NDST3: variants seen among roughly 807,000 people sequenced by gnomAD.
NDST3 encodes the protein bifunctional heparan sulfate N-deacetylase/N-sulfotransferase 3.
NDST3 carries 58 observed loss-of-function variants against 96.1 expected under a neutral mutation model. That is an observed-to-expected ratio of 0.60 (90% CI 0.49 to 0.75). NDST3 has a LOEUF of 0.75. Ranked by LOEUF, NDST3 falls within the 30% of genes least tolerant of loss-of-function variation. NDST3 has a pLI of 0.00. For missense variants in NDST3, 788 were observed against 1,034.2 expected, an observed-to-expected ratio of 0.76 and a Z score of 3.27; for synonymous variants, 333 against 359.7, an observed-to-expected ratio of 0.93 and a Z score of 0.84.
At chr4:118,211,732 T>C (rs1738813346) in intron 6 of NDST3, among the ~76,000 whole-genome samples, 1 of 152,204 alleles carries the variant, frequency 6.6e-6, no homozygotes, top group Non-Finnish European at 1.5e-5. Context: ...TATAATCTTT[T>C]TAAGGCGCTT....
At position 118,097,661 on chromosome 4, in the gene NDST3, T is replaced by C. The variant is rs111280578; in HGVS notation, c.982-7357T>C. 4.9e-4 allele frequency among the ~76,000 whole-genome samples: 74 copies of C among 152,114 alleles called. 1 individual carries two copies. Among genetic ancestry groups the C allele is most frequent in the African/African-American group, 1.6e-3 (66 of 41,522 alleles). ...TGAGAAGCACTGATAGGAAATGCTT[T>C]TATTTTAGCAATTTTCAAAATAATT... is the stretch of plus-strand genomic sequence containing the variant. On this transcript the variant is annotated intron_variant, in intron 2 of 13. Coordinates refer to ENST00000296499, the MANE Select transcript of NDST3 (RefSeq NM_004784.3).
At chr4:118,254,461 T>C (rs1371847801) in intron 13 of NDST3, among the ~76,000 whole-genome samples, 5 of 152,316 alleles carry the variant, frequency 3.3e-5, no homozygotes, top group Middle Eastern at 3.4e-3. Context: ...CTTTGCAGTA[T>C]GTATTCAGCA....
Position 118,226,883 on chromosome 4 carries a change from T to A in NDST3, c.1723-3T>A. 1 of 1,605,380 alleles carries A rather than the reference T, an allele frequency of 6.2e-7. No individual in the cohort carries two copies. Among genetic ancestry groups the A allele is most frequent in the Non-Finnish European group, 8.5e-7 (1 of 1,175,398 alleles). ...TACATCTCTATGTTCTTCTCCCATT[T>A]AGAATCCTTGCGATGACAAACGCCA... On this transcript the variant is annotated splice_polypyrimidine_tract_variant and splice_region_variant and intron_variant, in intron 7 of 13. Transcript: ENST00000296499.
intron 6 of NDST3, among the ~76,000 whole-genome samples, chr4:118,163,895 G>C (rs965861710): frequency 6.6e-6 from 1 of 152,046 alleles, no homozygotes; most frequent in Non-Finnish European, 1.5e-5. Flanking sequence ...GTACACTGTT[G>C]GTGGTAATGT....
chr4:118,257,978 G>A lies in NDST3; in HGVS notation c.*2266G>A, dbSNP rs1742216560. 1 of 151,998 alleles carries A rather than the reference G, an allele frequency of 6.6e-6. No homozygotes were observed. Among genetic ancestry groups the A allele is most frequent in the Admixed American group, 6.6e-5 (1 of 15,258 alleles). 9.4% of individuals were successfully genotyped at this position (151,998 alleles called of 1,614,324 possible). A position where few individuals can be genotyped will look rare whatever the true frequency, so the allele number is the denominator to read the frequency against. ...TATATACAGTGTCATGTTTTCATTT[G>A]GCAACAACATTTATTCTAATAAAAA... On this transcript the variant is annotated 3_prime_UTR_variant, in exon 14 of 14. Coordinates refer to ENST00000296499, the MANE Select transcript of NDST3 (RefSeq NM_004784.3).
intron 6 of NDST3, among the ~76,000 whole-genome samples, chr4:118,147,153 G>A (rs1368921088): frequency 1.3e-5 from 2 of 152,092 alleles, no homozygotes; most frequent in African/African-American, 4.8e-5. Context: ...ACTAATAGAT[G>A]GTATCCTGCT....
At chr4:118,253,687 T>A in intron 13 of NDST3, 86 bp downstream of exon 13, 1 of 926,182 alleles carries the variant, frequency 1.1e-6, no homozygotes, top group East Asian at 2.5e-5. Context: ...CTAGTTAAAG[T>A]CAAAATTCAG....
chr4:118,217,856 A>C (rs1739288064), intron 6 of NDST3, among the ~76,000 whole-genome samples: 1 of 152,120 alleles, frequency 6.6e-6, no homozygotes, highest in Admixed American at 6.6e-5. Flanking sequence ...AAAATGATAA[A>C]GGAGATATCA....
chr4:118,173,849 T>C (rs896052388), intron 6 of NDST3, among the ~76,000 whole-genome samples: 1 of 152,196 alleles, frequency 6.6e-6, no homozygotes, highest in Non-Finnish European at 1.5e-5. Flanking sequence ...TTTGCTATTG[T>C]AATACATAGA....
At chr4:118,121,273 T>C (rs562692694) in intron 4 of NDST3, among the ~76,000 whole-genome samples, 44 of 152,352 alleles carry the variant, frequency 2.9e-4, no homozygotes, top group African/African-American at 1.1e-3. Context: ...ACATATCCTT[T>C]AGCTGTGTTC....
chr4:118,043,232 T>C (rs1724572719), intron 1 of NDST3, among the ~76,000 whole-genome samples: 1 of 152,222 alleles, frequency 6.6e-6, no homozygotes, highest in South Asian at 2.1e-4. Flanking sequence ...TTGAATGAAA[T>C]AGTTATTTGT....
At chr4:118,048,923 A>G (rs959625546) in intron 1 of NDST3, among the ~76,000 whole-genome samples, 6 of 152,134 alleles carry the variant, frequency 3.9e-5, no homozygotes, top group Non-Finnish European at 1.5e-5. Flanking sequence ...CAAAATACAC[A>G]TATTTTTCAT....
intron 6 of NDST3, among the ~76,000 whole-genome samples, chr4:118,149,006 T>C (rs563175485): frequency 4.6e-5 from 7 of 152,236 alleles, no homozygotes; most frequent in African/African-American, 1.7e-4. Context: ...ATTTATTAAA[T>C]AGGGAATCCT....
intron 2 of NDST3, among the ~76,000 whole-genome samples, chr4:118,058,265 T>A (rs1418766161): frequency 1.3e-5 from 2 of 151,836 alleles, no homozygotes; most frequent in East Asian, 3.9e-4. Context: ...TTATGTGGAA[T>A]AGAAAATGTG....
intron 2 of NDST3, among the ~76,000 whole-genome samples, chr4:118,092,266 C>A (rs1728942721): frequency 6.6e-6 from 1 of 150,856 alleles, no homozygotes; most frequent in Non-Finnish European, 1.5e-5. Context: ...TCGGGAAAGG[C>A]ACTTGCCAAG....
chr4:118,076,648 G>T (rs770069002), intron 2 of NDST3, among the ~76,000 whole-genome samples: 6 of 152,106 alleles, frequency 3.9e-5, no homozygotes, highest in Non-Finnish European at 8.8e-5. Flanking sequence ...TATCAGATCA[G>T]TTTGGTTCTT....
intron 2 of NDST3, among the ~76,000 whole-genome samples, chr4:118,089,344 T>C (rs1728683774): frequency 6.6e-6 from 1 of 151,812 alleles, no homozygotes; most frequent in Non-Finnish European, 1.5e-5. Flanking sequence ...GTTATCTTTG[T>C]AAAGAAAAAA....
intron 6 of NDST3, among the ~76,000 whole-genome samples, chr4:118,221,992 TA>T (rs200927146): frequency 0.33 from 46,407 of 141,858 alleles, 8,036 homozygotes; most frequent in Middle Eastern, 0.45. Flanking sequence ...ATTTTCCATC[TA>T]AAAAAAAAAA....
At chr4:118,178,478 A>C (rs1311122043) in intron 6 of NDST3, among the ~76,000 whole-genome samples, 1 of 152,014 alleles carries the variant, frequency 6.6e-6, no homozygotes, top group Non-Finnish European at 1.5e-5. Flanking sequence ...TAATATCCTC[A>C]AGGTTCATTG....
Sources: allele counts gnomAD v4.1 joint callset (sites outside exome capture counted in the v4.1 genomes callset), GRCh38; gene constraint gnomAD v4.1.1; transcripts MANE v1.5; gene names NCBI Gene and HGNC (gene_info 2026-07-23, HGNC 2026-07-21).